ASTN1: variants seen among roughly 807,000 people sequenced by gnomAD.
The protein encoded by ASTN1 is astrotactin-1.
In ASTN1, 41 loss-of-function variants were observed where a neutral mutation model predicts 140.7. The ratio of observed to expected loss-of-function variants is 0.29; its 90% confidence interval spans 0.23 to 0.38. ASTN1 has a LOEUF of 0.38. Among genes scored for constraint, ASTN1 ranks in the 10% least tolerant of loss-of-function variants. The pLI, the probability that ASTN1 is intolerant of heterozygous loss-of-function variation, is 1.00. For synonymous variants in ASTN1, 640 were observed against 652.2 expected (o/e 0.98, Z 0.29); for missense variants, 1,479 against 1,678.8 (o/e 0.88, Z 2.08).
intron 14 of ASTN1, among the ~76,000 whole-genome samples, chr1:176,937,605 C>T (rs562482257): frequency 2.4e-4 from 36 of 152,194 alleles, no homozygotes; most frequent in Non-Finnish European, 4.1e-4. Flanking sequence ...AAAAAATTGC[C>T]TTGCTAAGTT....
chr1:176,980,899 G>A (rs573819481), intron 8 of ASTN1, among the ~76,000 whole-genome samples: 6 of 152,032 alleles, frequency 3.9e-5, no homozygotes, highest in South Asian at 2.1e-4. Flanking sequence ...TTTATTATGC[G>A]CCAGATACCA....
Position 176,965,197 on chromosome 1 carries a change from C to A in ASTN1, c.1564G>T (p.Val522Phe). Reference protein sequence around the residue: ...YTIFQRGFDLVLGEQPSDKIF... With the variant: ...YTIFQRGFDLFLGEQPSDKIF... ...TTATCAGAGGGCTGCTCTCCCAAAA[C>A]CAGGTCAAAGCCTCGCTGAAATATT... The change falls in exon 9 of 23, where the codon GTT becomes TTT. Residue 522 changes from valine to phenylalanine, a missense_variant. Val to Phe is a conservative substitution (Grantham distance 50). Around this residue, in one of 3 missense-constraint regions of ASTN1, gnomAD observed 729 missense variants for 860.4 expected, o/e 0.85. Coordinates refer to ENST00000361833, the MANE Select transcript of ASTN1 (RefSeq NM_004319.3). The A allele has an allele frequency of 6.2e-7, 1 of 1,614,042 alleles. No homozygotes were observed.
intron 1 of ASTN1, among the ~76,000 whole-genome samples, chr1:177,134,432 G>A (rs1452387191): frequency 6.6e-6 from 1 of 152,148 alleles, no homozygotes; most frequent in African/African-American, 2.4e-5. Flanking sequence ...CAATCTCACT[G>A]GAGTGGAGAA....
intron 16 of ASTN1, among the ~76,000 whole-genome samples, chr1:176,919,040 C>T (rs1670620647): frequency 6.6e-6 from 1 of 152,256 alleles, no homozygotes; most frequent in Non-Finnish European, 1.5e-5. Flanking sequence ...AAGGGGGCCA[C>T]TGCCCCTGTT....
chr1:177,116,911 T>C (rs895941555), intron 1 of ASTN1, among the ~76,000 whole-genome samples: 5 of 152,156 alleles, frequency 3.3e-5, no homozygotes, highest in South Asian at 4.1e-4. Flanking sequence ...TTTCCACTCC[T>C]CCCCAGGGGA....
chr1:177,031,065 C>T (rs891059379), intron 3 of ASTN1, 113 bp from the exon 4 acceptor site: 1 of 1,193,462 alleles, frequency 8.4e-7, no homozygotes, highest in Non-Finnish European at 1.1e-6. Flanking sequence ...TGAAATAAGA[C>T]ACCAGCAAAC....
chr1:176,920,379 G>A (rs1205969567), intron 16 of ASTN1, among the ~76,000 whole-genome samples: 1 of 152,162 alleles, frequency 6.6e-6, no homozygotes, highest in East Asian at 1.9e-4. Flanking sequence ...CAAGGGAGTG[G>A]TCCAGGCATC....
At chr1:177,121,586 G>A (rs780593535) in intron 1 of ASTN1, among the ~76,000 whole-genome samples, 6 of 152,028 alleles carry the variant, frequency 3.9e-5, no homozygotes, top group Non-Finnish European at 7.4e-5. Context: ...GTAAAATAAG[G>A]TATAGAGCAT....
At chr1:176,958,252 T>C in intron 10 of ASTN1, 93 bp downstream of exon 10, 1 of 1,582,674 alleles carries the variant, frequency 6.3e-7, no homozygotes. Context: ...TTTAGCTTGT[T>C]GGGACTCCTT....
Position 176,972,543 on chromosome 1 carries a change from T to C in ASTN1, c.1524-7306A>G, listed in dbSNP as rs568761136. 2.6e-5 allele frequency among the ~76,000 whole-genome samples: 4 copies of C among 152,262 alleles called. No homozygotes were observed. In the East Asian group the frequency reaches 7.7e-4, roughly 29 times the overall value. On this transcript the variant is annotated intron_variant, in intron 8 of 22. Coordinates refer to ENST00000361833, the MANE Select transcript of ASTN1 (RefSeq NM_004319.3). ...AGACAGGATCTCACTCTGTCACCCA[T>C]GCCAAAATGCACTGGTGCAATTATA...
At chr1:176,957,004 CCTT>C (rs1390858455) in intron 11 of ASTN1, among the ~76,000 whole-genome samples, 8 of 152,228 alleles carry the variant, frequency 5.3e-5, no homozygotes, top group Non-Finnish European at 1.2e-4. Context: ...CTCAAGGAAT[CCTT>C]CTGCCTCAGC....
At chr1:176,996,098 C>T (rs1674425091) in intron 8 of ASTN1, among the ~76,000 whole-genome samples, 1 of 152,108 alleles carries the variant, frequency 6.6e-6, no homozygotes, top group South Asian at 2.1e-4. Context: ...AACCTAGGTT[C>T]ACGCAGAAAT....
At chr1:177,121,522 T>C (rs1010203601) in intron 1 of ASTN1, among the ~76,000 whole-genome samples, 1 of 152,152 alleles carries the variant, frequency 6.6e-6, no homozygotes, top group Non-Finnish European at 1.5e-5. Flanking sequence ...TTCTCATCTA[T>C]AGGATGTCTA....
At chr1:176,919,828 C>T (rs1398666662) in intron 16 of ASTN1, among the ~76,000 whole-genome samples, 5 of 152,196 alleles carry the variant, frequency 3.3e-5, no homozygotes, top group East Asian at 1.9e-4. Context: ...GCCGCCTCTG[C>T]GGAATAAACC....
At chr1:176,948,378 AC>A (rs1224475852) in intron 12 of ASTN1, among the ~76,000 whole-genome samples, 1 of 152,316 alleles carries the variant, frequency 6.6e-6, no homozygotes, top group South Asian at 2.1e-4. Context: ...ATCTTTGTTT[AC>A]TTTATAAATA....
At chr1:177,025,707 T>C (rs1676073483) in intron 5 of ASTN1, among the ~76,000 whole-genome samples, 1 of 152,252 alleles carries the variant, frequency 6.6e-6, no homozygotes, top group African/African-American at 2.4e-5. Flanking sequence ...TTTTAATATT[T>C]GCTTTCTTAC....
intron 1 of ASTN1, among the ~76,000 whole-genome samples, chr1:177,070,738 G>A (rs1216432928): frequency 2.0e-5 from 3 of 152,170 alleles, no homozygotes; most frequent in Non-Finnish European, 4.4e-5. Context: ...CACCCCGTGA[G>A]TAAATATTAG....
chr1:176,873,244 C>A lies in ASTN1; in HGVS notation c.3463+3293G>T, dbSNP rs186060181. Reference sequence around the variant, plus strand: ...TCAGGGAGGGGTGGATGAGAACTAGCCTTCCCTGGATGAAGCTTCATGAAG... The same window carrying A: ...TCAGGGAGGGGTGGATGAGAACTAGACTTCCCTGGATGAAGCTTCATGAAG... On this transcript the variant is annotated intron_variant, in intron 21 of 22. Transcript: ENST00000361833. Among the ~76,000 whole-genome samples, 5 of 152,260 alleles carry A rather than the reference C, an allele frequency of 3.3e-5. No homozygotes were observed. The East Asian group carries it at 5.8e-4, about 18-fold the overall frequency.
chr1:177,002,350 A>G (rs1279635648), intron 8 of ASTN1, among the ~76,000 whole-genome samples: 1 of 150,184 alleles, frequency 6.7e-6, no homozygotes, highest in Non-Finnish European at 1.5e-5. Context: ...ACCGACCCTT[A>G]AATAATAAAA....
Sources: gnomAD v4.1 joint callset for allele counts (sites outside exome capture counted in the v4.1 genomes callset) on GRCh38, gnomAD v4.1.1 for gene constraint, gnomAD v4.1.1 regional missense constraint, MANE v1.5 for transcripts, NCBI Gene and HGNC (gene_info 2026-07-23, HGNC 2026-07-21) for gene names.